The following RTF1 variants were observed in gnomAD, a reference collection of about 807,000 sequenced individuals.
RTF1 encodes the protein RTF1 homolog, Paf1/RNA polymerase II complex component, also known as RNA polymerase-associated protein RTF1 homolog.
A neutral mutation model predicts 95.7 loss-of-function variants in RTF1; 10 were observed. The ratio of observed to expected loss-of-function variants is 0.10; its 90% confidence interval spans 0.06 to 0.18. The LOEUF is 0.18. Ranked by LOEUF, RTF1 falls within the 10% of genes least tolerant of loss-of-function variation. RTF1 has a pLI of 1.00. For missense variants in RTF1, 458 were observed against 875.6 expected, an observed-to-expected ratio of 0.52 and a Z score of 6.02; for synonymous variants, 305 against 311.8, an observed-to-expected ratio of 0.98 and a Z score of 0.23.
At chr15:41,446,334 G>A (rs565074792) in intron 2 of RTF1, among the ~76,000 whole-genome samples, 28 of 152,188 alleles carry the variant, frequency 1.8e-4, no homozygotes, top group African/African-American at 6.7e-4. Flanking sequence ...ACTTTGGGAG[G>A]TTGAGGCGGG....
Position 41,417,229 on chromosome 15 carries a change from G to T in RTF1, c.114G>T (p.Gly38=). 2 of 1,257,852 alleles carry T rather than the reference G, an allele frequency of 1.6e-6. No homozygotes were observed. Among genetic ancestry groups the T allele is most frequent in the Non-Finnish European group, 2.0e-6 (2 of 994,738 alleles). 77.9% of individuals were successfully genotyped at this position (1,257,852 alleles called of 1,614,324 possible). A position where few individuals can be genotyped will look rare whatever the true frequency, so the allele number is the denominator to read the frequency against. ...SPGGGRRGSR[G]TTMVKKRKGR... ...GCGGCGGCCGGCGTGGGAGCCGGGG[G>T]ACCACCATGGTAAAGAAGCGGAAAG... Residue 38 remains glycine (G), a synonymous_variant, in exon 1 of 18, where the codon GGG becomes GGT. Coordinates refer to ENST00000389629, the MANE Select transcript of RTF1 (RefSeq NM_015138.5).
chr15:41,428,983 C>T (rs1240693451), intron 1 of RTF1, among the ~76,000 whole-genome samples: 2 of 152,108 alleles, frequency 1.3e-5, no homozygotes, highest in Non-Finnish European at 2.9e-5. Flanking sequence ...GTAATCTGCC[C>T]ATCTTGGCCT....
chr15:41,447,558 CAT>C (rs1298196677), intron 2 of RTF1, among the ~76,000 whole-genome samples: 2 of 152,204 alleles, frequency 1.3e-5, no homozygotes, highest in African/African-American at 2.4e-5. Flanking sequence ...AGGAAGAAAA[CAT>C]ATTCCATCCA....
intron 4 of RTF1, among the ~76,000 whole-genome samples, chr15:41,460,386 G>A (rs1595435687): frequency 6.6e-6 from 1 of 151,998 alleles, no homozygotes; most frequent in East Asian, 1.9e-4. Context: ...GCCTCCCAAA[G>A]TGCTGGAATT....
At position 41,417,098 on chromosome 15, in the gene RTF1, G is replaced by T. The variant is rs1171139705; in HGVS notation, c.-18G>T. On this transcript the variant is annotated 5_prime_UTR_variant, in exon 1 of 18. Transcript: ENST00000389629. Reference sequence around the variant, plus strand: ...CGGCGAGCAGGGGGCGGGGCCAGGGGGGCGGAGCGGAGCGCGCATGCGCGG... The same window carrying T: ...CGGCGAGCAGGGGGCGGGGCCAGGGTGGCGGAGCGGAGCGCGCATGCGCGG... 2 of 1,232,120 alleles carry T rather than the reference G, an allele frequency of 1.6e-6. No homozygotes were observed. The highest frequency in any genetic ancestry group is 2.0e-6 in the Non-Finnish European group (2 of 984,840). 76.3% of individuals were successfully genotyped at this position (1,232,120 alleles called of 1,614,324 possible).
chr15:41,429,162 GGCCACCTGTAA>G lies in RTF1; in HGVS notation c.199-9149_199-9139del, dbSNP rs1175567127. ...GGCCTCCCAAAGTACTGGGATTACA[GGCCACCTGTAA>G]GCCACCTGTGAGCCACCACGCCCAG... On this transcript the variant is annotated intron_variant, in intron 1 of 17. Coordinates refer to ENST00000389629, the MANE Select transcript of RTF1 (RefSeq NM_015138.5). 1.1e-4 allele frequency among the ~76,000 whole-genome samples: 16 copies of G among 152,138 alleles called. 1 individual carries two copies. The East Asian group carries it at 2.9e-3, about 28-fold the overall frequency.
chr15:41,427,946 C>G (rs2050645032), intron 1 of RTF1, among the ~76,000 whole-genome samples: 1 of 152,000 alleles, frequency 6.6e-6, no homozygotes, highest in South Asian at 2.1e-4. Context: ...GCCACCACAC[C>G]TGGCTAATTT....
chr15:41,475,542 G>A lies in RTF1; in HGVS notation c.1304G>A (p.Arg435His), dbSNP rs746938646. ...GLQLRHGNDQ[R>H]VFRLEFVSNQ... is the part of the protein sequence containing the mutation. ...TTATGTAGGCATGGCAATGACCAACGCGTGTTCCGTTTAGAGTTTGTCTCA... is the reference window on the plus strand; with the variant it reads ...TTATGTAGGCATGGCAATGACCAACACGTGTTCCGTTTAGAGTTTGTCTCA... The change falls in exon 10 of 18, where the codon CGC becomes CAC. Residue 435 changes from arginine to histidine, a missense_variant. Physicochemically the swap from Arg to His is conservative, Grantham distance 29. This residue lies in a region of RTF1 where 150 missense variants were observed against 275.7 expected (regional missense o/e 0.54). Coordinates refer to ENST00000389629, the MANE Select transcript of RTF1 (RefSeq NM_015138.5). 9.9e-6 allele frequency: 16 copies of A among 1,613,958 alleles called. No individual in the cohort carries two copies. The highest frequency in any genetic ancestry group is 1.3e-5 in the Non-Finnish European group (15 of 1,179,950).
intron 2 of RTF1, among the ~76,000 whole-genome samples, chr15:41,445,238 T>A (rs770606147): frequency 8.5e-5 from 13 of 152,214 alleles, no homozygotes; most frequent in Non-Finnish European, 1.8e-4. Flanking sequence ...CCCGGCCTCA[T>A]GAGCTTTATG....
At position 41,455,992 on chromosome 15, in the gene RTF1, C is replaced by T. The variant is rs554335354; in HGVS notation, c.458-1680C>T. Among the ~76,000 whole-genome samples, 5 of 152,114 alleles carry T rather than the reference C, an allele frequency of 3.3e-5. No homozygotes were observed. The South Asian group carries it at 1.0e-3, about 32-fold the overall frequency. ...CTTTGGGAGGCCAAGACGGGGATCA[C>T]CTGAGGTCAGGAGTTCGAGACCAGC... On this transcript the variant is annotated intron_variant, in intron 3 of 17. Coordinates refer to ENST00000389629, the MANE Select transcript of RTF1 (RefSeq NM_015138.5).
chr15:41,426,560 T>A (rs1452784988), intron 1 of RTF1, among the ~76,000 whole-genome samples: 1 of 151,690 alleles, frequency 6.6e-6, no homozygotes, highest in East Asian at 1.9e-4. Context: ...CCACCTCGGC[T>A]TCCCGAACTG....
At chr15:41,449,163 C>T (rs764019822) in intron 2 of RTF1, among the ~76,000 whole-genome samples, 9 of 151,374 alleles carry the variant, frequency 5.9e-5, no homozygotes, top group South Asian at 2.1e-4. Context: ...GGATTTCAGG[C>T]GTGAGCCACT....
chr15:41,462,569 TTAAAA>T (rs926556224), intron 4 of RTF1, among the ~76,000 whole-genome samples: 2 of 152,188 alleles, frequency 1.3e-5, no homozygotes, highest in African/African-American at 4.8e-5. Context: ...ATAACTTTGT[TTAAAA>T]TAACCCACTT....
rs995588126 is a variant in RTF1, at chr15:41,480,843, A to G, written c.*156A>G. 1.4e-4 allele frequency: 86 copies of G among 632,642 alleles called. No homozygotes were observed. The highest frequency in any genetic ancestry group is 2.9e-4 in the Middle Eastern group (1 of 3,456). 39.2% of individuals were successfully genotyped at this position (632,642 alleles called of 1,614,324 possible). ...ATCTGTAATATAAACCATTTGCTGTATAGACCTCCTTTGTCTGCACACCAT... is the reference window on the plus strand; with the variant it reads ...ATCTGTAATATAAACCATTTGCTGTGTAGACCTCCTTTGTCTGCACACCAT... On this transcript the variant is annotated 3_prime_UTR_variant, in exon 18 of 18. Coordinates refer to ENST00000389629, the MANE Select transcript of RTF1 (RefSeq NM_015138.5).
In RTF1 at chr15:41,480,851, C is replaced by A; in HGVS notation, c.*164C>A. On this transcript the variant is annotated 3_prime_UTR_variant, in exon 18 of 18. Transcript: ENST00000389629. ...TATAAACCATTTGCTGTATAGACCT[C>A]CTTTGTCTGCACACCATCTCCCACC... 1.6e-6 allele frequency: 1 copy of A among 613,880 alleles called. No homozygotes were observed. Among genetic ancestry groups the A allele is most frequent in the Non-Finnish European group, 2.9e-6 (1 of 341,854 alleles). 38.0% of individuals were successfully genotyped at this position (613,880 alleles called of 1,614,324 possible).
chr15:41,478,278 A>G lies in RTF1; in HGVS notation c.1741-270A>G, dbSNP rs74754818. On this transcript the variant is annotated intron_variant, in intron 14 of 17. Coordinates refer to ENST00000389629, the MANE Select transcript of RTF1 (RefSeq NM_015138.5). Reference sequence around the variant, plus strand: ...TAGCTGGGTTTGGTGGCTTGCACCTATAGTCCCAGCTGCTGGAGAGGCTGA... The same window carrying G: ...TAGCTGGGTTTGGTGGCTTGCACCTGTAGTCCCAGCTGCTGGAGAGGCTGA... 3.2e-3 allele frequency among the ~76,000 whole-genome samples: 488 copies of G among 151,850 alleles called. 3 individuals carry two copies. The highest frequency in any genetic ancestry group is 0.011 in the African/African-American group (465 of 41,416).
chr15:41,420,782 G>A (rs1010056810), intron 1 of RTF1, among the ~76,000 whole-genome samples: 1 of 152,092 alleles, frequency 6.6e-6, no homozygotes, highest in Non-Finnish European at 1.5e-5. Flanking sequence ...CACCTGGGTT[G>A]CTTATTTAAA....
At position 41,480,206 on chromosome 15, in the gene RTF1, C is replaced by T. The variant is rs2050964833; in HGVS notation, c.1915-8C>T. On this transcript the variant is annotated splice_region_variant and splice_polypyrimidine_tract_variant and intron_variant, in intron 16 of 17. Transcript: ENST00000389629. ...CTCTTACCATTAGCTTTCCTCTTCA[C>T]ATTCCAGGGTCAAGGCAAAGATAAA... 3 of 1,582,934 alleles carry T rather than the reference C, an allele frequency of 1.9e-6. No individual in the cohort carries two copies. The highest frequency in any genetic ancestry group is 1.3e-5 in the African/African-American group (1 of 74,300).
intron 11 of RTF1, among the ~76,000 whole-genome samples, chr15:41,476,120 AAG>A (rs1185385104): frequency 6.6e-6 from 1 of 152,142 alleles, no homozygotes; most frequent in Non-Finnish European, 1.5e-5. Context: ...TTGATCCTTC[AAG>A]AGTTTTCCTT....
Sources: gnomAD v4.1 joint callset for allele counts (sites outside exome capture counted in the v4.1 genomes callset) on GRCh38, gnomAD v4.1.1 for gene constraint, gnomAD v4.1.1 regional missense constraint, MANE v1.5 for transcripts, NCBI Gene and HGNC (gene_info 2026-07-23, HGNC 2026-07-21) for gene names.